TLCD1: variants seen among roughly 807,000 people sequenced by gnomAD.
TLCD1 encodes TLC domain-containing protein 1.
A neutral mutation model predicts 21.2 loss-of-function variants in TLCD1; 21 were observed. The observed-to-expected ratio is 0.99, with a 90% CI of 0.70 to 1.42. The LOEUF (loss-of-function observed/expected upper bound fraction) is 1.42. Ranked by LOEUF, TLCD1 falls within the 40% of genes most tolerant of loss-of-function variation. The pLI is 0.00. For missense variants in TLCD1, 344 were observed against 330.3 expected (o/e 1.04, Z -0.32); for synonymous variants, 168 against 134.8 (o/e 1.25, Z -1.71).
chr17:28,725,787 G>A, intron 1 of TLCD1, 117 bp downstream of exon 1: 1 of 1,380,184 alleles, frequency 7.2e-7, no homozygotes. Context: ...AACGGGATCA[G>A]GTGAGACTGC....
chr17:28,725,518 C>G lies in TLCD1; in HGVS notation c.240G>C (p.Trp80Cys), dbSNP rs1262831119. The G allele has an allele frequency of 3.7e-6, 6 of 1,614,148 alleles. No individual in the cohort carries two copies. The highest frequency in any genetic ancestry group is 5.1e-6 in the Non-Finnish European group (6 of 1,180,000). Reference sequence around the variant, plus strand: ...AAACGAGCAAATAGCCAGAAAGTGACCACGCCGTCTCAATCTCCACTAACA... The same window carrying G: ...AAACGAGCAAATAGCCAGAAAGTGAGCACGCCGTCTCAATCTCCACTAACA... Reference protein sequence around the residue: ...PDMLVEIETAWSLSGYLLVCF... With the variant: ...PDMLVEIETACSLSGYLLVCF... Residue 80 changes from tryptophan (W) to cysteine (C), a missense_variant, in exon 2 of 4, where the codon TGG becomes TGC. Physicochemically the swap from Trp to Cys is radical, Grantham distance 215. Transcript: ENST00000292090.
chr17:28,726,650 G>C (rs1008576125), upstream of TLCD1: 2 of 1,110,912 alleles, frequency 1.8e-6, no homozygotes, highest in Non-Finnish European at 2.6e-6. Flanking sequence ...CCTAAGTCCT[G>C]GTCCTGGGGT....
In TLCD1 at chr17:28,725,466, C is replaced by T. The variant is rs1162222090; in HGVS notation, c.277+15G>A. ...CTGTCCCCAATTTGCCTCCCGCTTC[C>T]TGGGCAAGACCTACCCGCAGAGAAG... is the stretch of plus-strand genomic sequence containing the variant. On this transcript the variant is annotated intron_variant, in intron 2 of 3. Transcript: ENST00000292090. The T allele has an allele frequency of 3.1e-6, 5 of 1,614,202 alleles. No individual in the cohort carries two copies. The East Asian group carries it at 8.9e-5, about 29-fold the overall frequency.
rs760762807 is a variant in TLCD1, at chr17:28,725,349, G to A, written c.315C>T (p.Ser105=). The A allele has an allele frequency of 3.7e-6, 6 of 1,613,528 alleles. No homozygotes were observed. The highest frequency in any genetic ancestry group is 4.2e-6 in the Non-Finnish European group (5 of 1,179,980). ...ATTCCCAAGAGGCTCGCGTCTGTCC[G>A]CTAGCCACGATGTCCACCGTATCGT... The part of the protein sequence containing the change: ...FIHDTVDIVA[S]GQTRASWEYL... The change falls in exon 3 of 4, where the codon AGC becomes AGT. Residue 105 remains serine (S), a synonymous_variant. Transcript: ENST00000292090.
upstream of TLCD1, chr17:28,726,361 C>G (rs1228241484): frequency 1.7e-6 from 1 of 580,904 alleles, no homozygotes; most frequent in East Asian, 1.5e-4. Flanking sequence ...TGCTGCCGCG[C>G]GAGCCGGGTG....
upstream of TLCD1, among the ~76,000 whole-genome samples, chr17:28,727,089 T>C (rs1260943976): frequency 6.7e-6 from 1 of 150,084 alleles, no homozygotes; most frequent in East Asian, 2.0e-4. Context: ...GTATAAACTC[T>C]GGGCGAAAGG....
At chr17:28,726,558 C>A (rs1169426122), upstream of TLCD1, among the ~76,000 whole-genome samples, 3 of 152,098 alleles carry the variant, frequency 2.0e-5, no homozygotes, top group East Asian at 1.9e-4. Flanking sequence ...CCGGCTACCC[C>A]GCCCTGGGCG....
chr17:28,726,881 G>A, upstream of TLCD1: 1 of 1,452,718 alleles, frequency 6.9e-7, no homozygotes, highest in Middle Eastern at 1.8e-4. Context: ...AGACAGTCCC[G>A]GCCCTCGGCC....
At chr17:28,726,463 T>C (rs773757673), upstream of TLCD1, among the ~76,000 whole-genome samples, 26 of 151,922 alleles carry the variant, frequency 1.7e-4, no homozygotes, top group Non-Finnish European at 3.7e-4. Context: ...CACCCCTCGC[T>C]GGCGCCTCCC....
rs200266791 is a variant in TLCD1, at chr17:28,725,529, C to G, written c.229G>C (p.Glu77Gln). Residue 77 changes from glutamate (E) to glutamine (Q), a missense_variant, in exon 2 of 4, where the codon GAG becomes CAG. Coordinates refer to ENST00000292090, the MANE Select transcript of TLCD1 (RefSeq NM_138463.4). ...TAGCCAGAAAGTGACCACGCCGTCTCAATCTCCACTAACATGTCAGGAGTC... is the reference window on the plus strand; with the variant it reads ...TAGCCAGAAAGTGACCACGCCGTCTGAATCTCCACTAACATGTCAGGAGTC... ...WQTPDMLVEI[E>Q]TAWSLSGYLL... The G allele has an allele frequency of 2.5e-6, 4 of 1,614,142 alleles. No individual in the cohort carries two copies. Among genetic ancestry groups the G allele is most frequent in the South Asian group, 1.1e-5 (1 of 91,076 alleles).
At chr17:28,725,821 G>C (rs1156781123) in intron 1 of TLCD1, 83 bp downstream of exon 1, 9 of 1,510,230 alleles carry the variant, frequency 6.0e-6, no homozygotes, top group Non-Finnish European at 7.1e-6. Context: ...GCCAGTGAGC[G>C]ATGGGGGTAG....
At chr17:28,727,272 A>G (rs1330708756), upstream of TLCD1, 1 of 198,442 alleles carries the variant, frequency 5.0e-6, no homozygotes, top group Non-Finnish European at 1.1e-5. Flanking sequence ...AAGCCGTTTG[A>G]GTGTTTTCCT....
At chr17:28,726,788 G>A (rs2034238249), upstream of TLCD1, 1 of 1,549,086 alleles carries the variant, frequency 6.5e-7, no homozygotes, top group African/African-American at 1.4e-5. Flanking sequence ...GTGGGCACTT[G>A]GGAACTGCTG....
In TLCD1 at chr17:28,724,483, T is replaced by G; in HGVS notation, c.*27A>C. ...ATGAAGCTGTTTCTGGCCTTGTCCG[T>G]TTTTGTTGTCCCAGGCTCTGTGCCC... On this transcript the variant is annotated 3_prime_UTR_variant, in exon 4 of 4. Transcript: ENST00000292090. 1.2e-6 allele frequency: 2 copies of G among 1,600,946 alleles called. No homozygotes were observed. Among genetic ancestry groups the G allele is most frequent in the Non-Finnish European group, 1.7e-6 (2 of 1,172,546 alleles).
upstream of TLCD1, chr17:28,726,744 T>G (rs1238124194): frequency 3.9e-6 from 6 of 1,548,446 alleles, no homozygotes; most frequent in Non-Finnish European, 5.2e-6. Context: ...CTGGCCGGAG[T>G]CCCGTGTTTA....
upstream of TLCD1, among the ~76,000 whole-genome samples, chr17:28,726,373 C>G (rs1393095005): frequency 6.8e-6 from 1 of 147,220 alleles, no homozygotes; most frequent in Non-Finnish European, 1.5e-5. Flanking sequence ...AGCCGGGTGT[C>G]CCCGTGGCCT....
At chr17:28,725,281 C>CACATAGTCTGCTTCTCTCTTACCATG (rs763226179) in intron 3 of TLCD1, 23 bp downstream of exon 3, 1 of 1,612,976 alleles carries the variant, frequency 6.2e-7, no homozygotes, top group African/African-American at 1.3e-5. Context: ...AGGCCTATAC[C>CACATAGTCTGCTTCTCTCTTACCATG]ACATAGTCTG....
Position 28,726,025 on chromosome 17 carries a change from C to T in TLCD1, c.73G>A (p.Ala25Thr), listed in dbSNP as rs2034221535. 6.3e-7 allele frequency: 1 copy of T among 1,593,334 alleles called. No homozygotes were observed. ...ACGGGTAGGGGCAGGCGACAGAGCG[C>T]GCGCCGGAGCGCCCGGAAGGTCAGC... is the stretch of plus-strand genomic sequence containing the variant. ...ATLTFRALRR[A>T]LCRLPLPVHV... The change falls in exon 1 of 4, where the codon GCG becomes ACG. Residue 25 changes from alanine to threonine, a missense_variant. Transcript: ENST00000292090.
Position 28,724,894 on chromosome 17 carries a change from C to T in TLCD1, c.361-1G>A. On this transcript the variant is annotated splice_acceptor_variant, in intron 3 of 3. Transcript: ENST00000292090. LOFTEE classifies it high-confidence loss of function. ...TGCCGGAGAAGAAGGCACCCATGGC[C>T]TAGAGGGAAGAAAGAATAGGAGTTA... is the stretch of plus-strand genomic sequence containing the variant. 2 of 1,610,734 alleles carry T rather than the reference C, an allele frequency of 1.2e-6. No homozygotes were observed. Among genetic ancestry groups the T allele is most frequent in the East Asian group, 2.2e-5 (1 of 44,872 alleles).
Sources: gnomAD v4.1 joint callset for allele counts (sites outside exome capture counted in the v4.1 genomes callset) on GRCh38, gnomAD v4.1.1 for gene constraint, MANE v1.5 for transcripts, NCBI Gene and HGNC (gene_info 2026-07-23, HGNC 2026-07-21) for gene names.